The following P2RX4 variants were observed in gnomAD, a reference collection of about 807,000 sequenced individuals.
P2RX4 encodes the protein purinergic receptor P2X 4.
P2RX4 carries 37 observed loss-of-function variants against 48.0 expected under a neutral mutation model. The observed-to-expected ratio is 0.77, with a 90% CI of 0.59 to 1.01. P2RX4 has a LOEUF of 1.01. Ranked by LOEUF, P2RX4 falls within the 50% of genes least tolerant of loss-of-function variation. The probability of loss-of-function intolerance (pLI) is 0.00; values close to 1 mark genes in which losing one functional copy is unlikely to be tolerated. For missense variants in P2RX4, 501 were observed against 521.4 expected, an observed-to-expected ratio of 0.96 and a Z score of 0.38; for synonymous variants, 200 against 199.7, an observed-to-expected ratio of 1.00 and a Z score of -0.01.
intron 5 of P2RX4, 124 bp from the exon 6 acceptor site, chr12:121,228,405 TACAC>T (rs750441530): frequency 1.3e-4 from 31 of 231,938 alleles, no homozygotes; most frequent in Middle Eastern, 2.8e-3. Flanking sequence ...TATATATATA[TACAC>T]ACACACACAC....
chr12:121,225,605 G>T (rs1886932353), intron 5 of P2RX4, among the ~76,000 whole-genome samples: 1 of 151,736 alleles, frequency 6.6e-6, no homozygotes, highest in Non-Finnish European at 1.5e-5. Flanking sequence ...TAGAGAGGGG[G>T]TTTCACTGTG....
Position 121,222,977 on chromosome 12 carries a change from A to G in P2RX4, c.458A>G (p.Asn153Ser). The G allele has an allele frequency of 3.1e-6, 5 of 1,613,756 alleles. No individual in the cohort carries two copies. Among genetic ancestry groups the G allele is most frequent in the African/African-American group, 1.3e-5 (1 of 75,036 alleles). The change falls in exon 5 of 12, where the codon AAC becomes AGC. Residue 153 changes from asparagine (N) to serine (S), a missense_variant. Asn to Ser is a conservative substitution (Grantham distance 46, BLOSUM62 1). This residue lies in a region of P2RX4 where 295 missense variants were observed against 275.3 expected (regional missense o/e 1.07). Transcript: ENST00000337233. The stretch of plus-strand genomic sequence containing the variant: ...TCAACAGGCAGGTGCGTAGCTTTCA[A>G]CGGGTCTGTCAAGACGTGTGAGGTG... ...GVSTGRCVAF[N>S]GSVKTCEVAA...
intron 2 of P2RX4, among the ~76,000 whole-genome samples, chr12:121,220,305 C>CG (rs1886517396): frequency 6.6e-6 from 1 of 151,946 alleles, no homozygotes; most frequent in Non-Finnish European, 1.5e-5. Context: ...GCAGACCCCC[C>CG]CCTTTTTTTA....
At chr12:121,225,981 A>T (rs974882672) in intron 5 of P2RX4, among the ~76,000 whole-genome samples, 1 of 151,734 alleles carries the variant, frequency 6.6e-6, no homozygotes, top group Non-Finnish European at 1.5e-5. Context: ...GACTCAAGTG[A>T]TCTTCCCGCC....
intron 2 of P2RX4, among the ~76,000 whole-genome samples, chr12:121,220,495 G>T (rs142125369): frequency 0.013 from 1,938 of 152,076 alleles, 46 homozygotes; most frequent in African/African-American, 0.044. Flanking sequence ...AATTAGCCAG[G>T]TGTGGTGATG....
In P2RX4 at chr12:121,233,802, G is replaced by T. The variant is rs1432014741; in HGVS notation, c.*253G>T. The T allele has an allele frequency of 6.2e-6, 5 of 806,448 alleles. No individual in the cohort carries two copies. In the East Asian group the frequency reaches 8.7e-5, roughly 14 times the overall value. The allele number at this position is 806,448 out of a possible 1,614,324, so 50.0% of individuals were successfully genotyped here. Reference sequence around the variant, plus strand: ...TTCCCGCAACCTGGGGTTGTCGGGGGAGCGCTGGCCCGACGCAGTGGCACT... The same window carrying T: ...TTCCCGCAACCTGGGGTTGTCGGGGTAGCGCTGGCCCGACGCAGTGGCACT... On this transcript the variant is annotated 3_prime_UTR_variant, in exon 12 of 12. Transcript: ENST00000337233.
chr12:121,212,814 A>ATTTTTTTTTTTTTTTTTT (rs1187859501), intron 1 of P2RX4: 1 of 31,474 alleles, frequency 3.2e-5, no homozygotes, highest in African/African-American at 1.4e-4. Context: ...ATATATATAT[A>ATTTTTTTTTTTTTTTTTT]TATATATATA....
At chr12:121,210,487 A>G (rs2567994) in intron 1 of P2RX4, among the ~76,000 whole-genome samples, 189 bp downstream of exon 1, 54,309 of 151,830 alleles carry the variant, frequency 0.36, 10,024 homozygotes, top group South Asian at 0.4. Context: ...CTGTTTTAAA[A>G]CCACAGCCTG....
intron 1 of P2RX4, 193 bp from the exon 2 acceptor site, chr12:121,216,941 C>A: frequency 1.4e-6 from 1 of 712,388 alleles, no homozygotes; most frequent in Non-Finnish European, 2.6e-6. Context: ...CCCGCAAACC[C>A]TCCTGTGGTT....
At chr12:121,222,415 GTTT>G (rs901575423) in intron 4 of P2RX4, 3 of 434,518 alleles carry the variant, frequency 6.9e-6, no homozygotes, top group African/African-American at 4.4e-5. Flanking sequence ...TTTTTGTTTT[GTTT>G]TTTTGTTTTT....
At chr12:121,227,319 C>A (rs1261874292) in intron 5 of P2RX4, among the ~76,000 whole-genome samples, 1 of 152,226 alleles carries the variant, frequency 6.6e-6, no homozygotes, top group Non-Finnish European at 1.5e-5. Context: ...GTGCCAGATT[C>A]TCCAGGAGAA....
In P2RX4 at chr12:121,228,996, T is replaced by C; in HGVS notation, c.781T>C (p.Cys261Arg). Reference protein sequence around the residue: ...GIMGIQVNWDCNLDRAASLCL... With the variant: ...GIMGIQVNWDRNLDRAASLCL... ...CATGGGCATCCAGGTCAACTGGGAC[T>C]GCAACCTGGACAGAGCCGCCTCCCT... Residue 261 changes from cysteine to arginine, a missense_variant, in exon 8 of 12, where the codon TGC (cysteine) becomes CGC (arginine). Physicochemically the swap from Cys to Arg is radical, Grantham distance 180. Coordinates refer to ENST00000337233, the MANE Select transcript of P2RX4 (RefSeq NM_002560.3). 1 of 1,614,114 alleles carries C rather than the reference T, an allele frequency of 6.2e-7. No homozygotes were observed.
chr12:121,233,471 T>C, intron 11 of P2RX4, 52 bp from the exon 12 acceptor site: 1 of 1,582,112 alleles, frequency 6.3e-7, no homozygotes, highest in Non-Finnish European at 8.6e-7. Flanking sequence ...CCCTCCCGCC[T>C]GCCACAAGGG....
chr12:121,232,542 C>G lies in P2RX4; in HGVS notation c.978+35C>G. 8 of 1,603,316 alleles carry G rather than the reference C, an allele frequency of 5.0e-6. No individual in the cohort carries two copies. Among genetic ancestry groups the G allele is most frequent in the Non-Finnish European group, 6.8e-6 (8 of 1,170,050 alleles). On this transcript the variant is annotated intron_variant, in intron 9 of 11. Coordinates refer to ENST00000337233, the MANE Select transcript of P2RX4 (RefSeq NM_002560.3). The surrounding 1 kb of genome is among the most constrained non-coding windows in gnomAD (Gnocchi z 4.3). ...CGCCACTGGCTCCCCTCCGTCACTC[C>G]CTGCAGGGACAAGGGGCCTCTCCCT...
chr12:121,210,156 GGCGCGGCCATGGCGGGCT>G lies in P2RX4; in HGVS notation c.-6_12del, dbSNP rs766686565. 6.6e-7 allele frequency: 1 copy of G among 1,521,824 alleles called. No homozygotes were observed. Among genetic ancestry groups the G allele is most frequent in the Non-Finnish European group, 8.8e-7 (1 of 1,141,174 alleles). 94.3% of individuals were successfully genotyped at this position (1,521,824 alleles called of 1,614,324 possible). A position where few individuals can be genotyped will look rare whatever the true frequency, so the allele number is the denominator to read the frequency against. ...ACCGACTAGGGGACTGGGAGCGGGC[GGCGCGGCCATGGCGGGCT>G]GCTGCGCCGCGCTGGCGGCCTTCCT... On this transcript the variant is annotated start_lost and 5_prime_UTR_variant, in exon 1 of 12. Transcript: ENST00000337233.
In P2RX4 at chr12:121,223,001, T is replaced by A; in HGVS notation, c.482T>A (p.Val161Glu). The part of the protein sequence containing the change: ...AFNGSVKTCE[V>E]AAWCPVEDDT... ...AACGGGTCTGTCAAGACGTGTGAGG[T>A]GGCGGCCTGGTGCCCGGTGGAGGAT... The change falls in exon 5 of 12, where the codon GTG (valine) becomes GAG (glutamate). Residue 161 changes from valine to glutamate, a missense_variant. By Grantham distance (121) the Val-to-Glu change is moderately radical. Transcript: ENST00000337233. The A allele has an allele frequency of 6.2e-7, 1 of 1,613,676 alleles. No homozygotes were observed. The highest frequency in any genetic ancestry group is 8.5e-7 in the Non-Finnish European group (1 of 1,179,656).
At chr12:121,221,418 A>G (rs1886600728) in intron 2 of P2RX4, among the ~76,000 whole-genome samples, 1 of 140,290 alleles carries the variant, frequency 7.1e-6, no homozygotes, top group African/African-American at 2.7e-5. Context: ...TTTTTTTGAG[A>G]CAGAGTCTCG....
chr12:121,229,118 C>T lies in P2RX4; in HGVS notation c.884+19C>T, dbSNP rs764711234. 6.2e-7 allele frequency: 1 copy of T among 1,613,916 alleles called. No individual in the cohort carries two copies. Among genetic ancestry groups the T allele is most frequent in the Non-Finnish European group, 8.5e-7 (1 of 1,179,964 alleles). ...ATTTCAGGTGGGCGTGAGCTTGGGC[C>T]CCTCGCTCATGTTGTAGGGGGTGCT... On this transcript the variant is annotated intron_variant, in intron 8 of 11. Coordinates refer to ENST00000337233, the MANE Select transcript of P2RX4 (RefSeq NM_002560.3). This position sits in a 1 kb window ranked among gnomAD's most constrained non-coding sequence, Gnocchi z 4.6.
At chr12:121,211,847 G>C (rs1263763235) in intron 1 of P2RX4, among the ~76,000 whole-genome samples, 1 of 152,028 alleles carries the variant, frequency 6.6e-6, no homozygotes, top group Non-Finnish European at 1.5e-5. Flanking sequence ...GCTAATTTTT[G>C]TATTTTTAGT....
Sources: allele counts gnomAD v4.1 joint callset (sites outside exome capture counted in the v4.1 genomes callset), GRCh38; gene constraint gnomAD v4.1.1; regional missense constraint gnomAD v4.1.1; non-coding constraint Gnocchi (gnomAD v3.1); transcripts MANE v1.5; gene names NCBI Gene and HGNC (gene_info 2026-07-23, HGNC 2026-07-21).